Variants in DOCK7 observed in about 807,000 individuals in gnomAD.
The protein encoded by DOCK7 is dedicator of cytokinesis protein 7.
DOCK7 carries 138 observed loss-of-function variants against 271.0 expected under a neutral mutation model. The ratio of observed to expected loss-of-function variants is 0.51; its 90% CI spans 0.44 to 0.59. The LOEUF (loss-of-function observed/expected upper bound fraction) is 0.59, where lower values mean the gene tolerates loss of function less well. Ranked by LOEUF, DOCK7 falls within the 20% of genes least tolerant of loss-of-function variation. DOCK7 has a pLI of 0.00. For missense variants in DOCK7, 2,066 were observed against 2,592.4 expected (o/e 0.80, Z 4.41); for synonymous variants, 823 against 876.1 (o/e 0.94, Z 1.07).
intron 25 of DOCK7, among the ~76,000 whole-genome samples, chr1:62,541,104 ACTT>A (rs1019096182): frequency 4.6e-5 from 7 of 151,734 alleles, no homozygotes; most frequent in African/African-American, 1.7e-4. Context: ...TTTTTTACAT[ACTT>A]CTTTTTTGGA....
intron 1 of DOCK7, among the ~76,000 whole-genome samples, chr1:62,669,951 T>C (rs1659756236): frequency 6.6e-6 from 1 of 152,168 alleles, no homozygotes; most frequent in Non-Finnish European, 1.5e-5. Context: ...GAGTTCCGGG[T>C]GGGCGTGGGC....
At chr1:62,683,942 A>G (rs960169934) in intron 1 of DOCK7, among the ~76,000 whole-genome samples, 1 of 151,614 alleles carries the variant, frequency 6.6e-6, no homozygotes, top group Non-Finnish European at 1.5e-5. Context: ...AAAAAAAAGC[A>G]TAAGATCTGA....
chr1:62,588,368 T>C (rs1255043428), intron 14 of DOCK7, among the ~76,000 whole-genome samples: 2 of 152,184 alleles, frequency 1.3e-5, no homozygotes, highest in Admixed American at 6.5e-5. Context: ...AAGACAGGCA[T>C]GCAAAAGCCC....
At chr1:62,532,188 C>A (rs1032381106) in intron 29 of DOCK7, among the ~76,000 whole-genome samples, 1 of 152,150 alleles carries the variant, frequency 6.6e-6, no homozygotes, top group African/African-American at 2.4e-5. Context: ...GCAAGCACCA[C>A]CATGCCCAAG....
At position 62,552,620 on chromosome 1, in the gene DOCK7, T is replaced by C. The variant is rs567491388; in HGVS notation, c.2766+112A>G. The stretch of plus-strand genomic sequence containing the variant: ...AGAACAGAAATGTACAATTCCTTCC[T>C]AATTCCTAACTTACATACATCTCAA... On this transcript the variant is annotated intron_variant, in intron 22 of 49. Coordinates refer to ENST00000635253, the MANE Select transcript of DOCK7 (RefSeq NM_001367561.1). The C allele has an allele frequency of 1.0e-4, 105 of 1,050,700 alleles. 2 individuals carry two copies. In the South Asian group the frequency reaches 1.2e-3, roughly 12 times the overall value. The allele number at this position is 1,050,700 out of a possible 1,614,324, so 65.1% of individuals were successfully genotyped here.
At chr1:62,498,525 T>C (rs1646686933) in intron 37 of DOCK7, among the ~76,000 whole-genome samples, 1 of 152,152 alleles carries the variant, frequency 6.6e-6, no homozygotes, top group South Asian at 2.1e-4. Flanking sequence ...TACTGCTATG[T>C]TTTACTTAAT....
rs571871172 is a variant in DOCK7 at position 62,563,522 on chromosome 1, AAAAC to A, written c.2113-1823_2113-1820del. ...TTAAACAAATGAAAAAAGACTCACC[AAAAC>A]AAACAAACAAAAAAACAGAAAAATA... On this transcript the variant is annotated intron_variant, in intron 18 of 49. Transcript: ENST00000635253. 3.2e-4 allele frequency among the ~76,000 whole-genome samples: 48 copies of A among 152,288 alleles called. No individual in the cohort carries two copies. The South Asian group carries it at 7.7e-3, about 24-fold the overall frequency.
At chr1:62,512,914 T>TA (rs200987004) in intron 33 of DOCK7, among the ~76,000 whole-genome samples, 5,421 of 141,020 alleles carry the variant, frequency 0.038, 232 homozygotes, top group African/African-American at 0.11. Context: ...CTGTCTCAAC[T>TA]AAAAAAAAAA....
intron 14 of DOCK7, among the ~76,000 whole-genome samples, chr1:62,596,617 T>C (rs1649286511): frequency 6.6e-6 from 1 of 152,098 alleles, no homozygotes; most frequent in South Asian, 2.1e-4. Flanking sequence ...CAGACCAGCA[T>C]GGGCAATACA....
intron 31 of DOCK7, among the ~76,000 whole-genome samples, chr1:62,516,489 T>C (rs1644665502): frequency 6.6e-6 from 1 of 152,184 alleles, no homozygotes; most frequent in Non-Finnish European, 1.5e-5. Context: ...GCCCATTAGT[T>C]CTTAATTTTC....
Position 62,475,726 on chromosome 1 carries a change from T to G in DOCK7, c.5942A>C (p.Asn1981Thr), listed in dbSNP as rs145796299. Reference protein sequence around the residue: ...HAFPYIKTRVNVTHKEEIILT... With the variant: ...HAFPYIKTRVTVTHKEEIILT... ...ACTTACCTCTTCTTTATGAGTGACA[T>G]TGACCCTTGTTTTAATATAAGGAAA... Residue 1981 changes from asparagine (N) to threonine (T), a missense_variant, in exon 46 of 50, where the codon AAT becomes ACT. Around this residue, in one of 2 missense-constraint regions of DOCK7, gnomAD observed 652 missense variants for 922.1 expected, o/e 0.71. Coordinates refer to ENST00000635253, the MANE Select transcript of DOCK7 (RefSeq NM_001367561.1). 2 of 1,613,942 alleles carry G rather than the reference T, an allele frequency of 1.2e-6. No individual in the cohort carries two copies. Among genetic ancestry groups the G allele is most frequent in the South Asian group, 2.2e-5 (2 of 91,078 alleles).
intron 1 of DOCK7, among the ~76,000 whole-genome samples, chr1:62,666,982 C>A (rs1156365082): frequency 6.6e-6 from 1 of 152,360 alleles, no homozygotes; most frequent in African/African-American, 2.4e-5. Context: ...AAGAAAGCAT[C>A]CGCTCAGGCC....
chr1:62,456,689 A>G (rs1052956559), intron 49 of DOCK7, among the ~76,000 whole-genome samples: 2 of 152,116 alleles, frequency 1.3e-5, no homozygotes, highest in African/African-American at 2.4e-5. Flanking sequence ...TTCCATGGAA[A>G]GGAGTTTCCA....
intron 48 of DOCK7, among the ~76,000 whole-genome samples, chr1:62,468,220 G>T (rs1645731916): frequency 6.6e-6 from 1 of 152,012 alleles, no homozygotes; most frequent in Admixed American, 6.6e-5. Context: ...AATTAGCCAG[G>T]CGTGGTGGCA....
chr1:62,618,753 G>C lies in DOCK7; in HGVS notation c.1635C>G (p.Ile545Met). Reference sequence around the variant, plus strand: ...AAACATCCCTTGCGGGAAACTCTAAGATTTCTCTGGTAGGTCTAACTCTAC... The same window carrying C: ...AAACATCCCTTGCGGGAAACTCTAACATTTCTCTGGTAGGTCTAACTCTAC... ...PDSRVRPTRE[I>M]LEFPARDVYV... The change falls in exon 14 of 50, where the codon ATC (isoleucine) becomes ATG (methionine). Residue 545 changes from isoleucine to methionine, a missense_variant. This residue lies in a region of DOCK7 where 1,414 missense variants were observed against 1,670.4 expected (regional missense o/e 0.85). Coordinates refer to ENST00000635253, the MANE Select transcript of DOCK7 (RefSeq NM_001367561.1). The C allele has an allele frequency of 6.2e-7, 1 of 1,613,812 alleles. No individual in the cohort carries two copies.
chr1:62,487,521 G>A (rs564772645), intron 42 of DOCK7, 109 bp from the exon 43 acceptor site: 183 of 921,182 alleles, frequency 2.0e-4, no homozygotes, highest in Non-Finnish European at 2.9e-4. Flanking sequence ...ACAGAAGACA[G>A]CAGGATATTT....
At chr1:62,544,090 C>G (rs1645623394) in intron 23 of DOCK7, among the ~76,000 whole-genome samples, 1 of 151,974 alleles carries the variant, frequency 6.6e-6, no homozygotes, top group Non-Finnish European at 1.5e-5. Context: ...TACTTCTCAA[C>G]TGGTCTCAGA....
chr1:62,580,617 TA>T (rs1647085521), intron 16 of DOCK7, among the ~76,000 whole-genome samples: 1 of 152,184 alleles, frequency 6.6e-6, no homozygotes, highest in African/African-American at 2.4e-5. Flanking sequence ...TAAGTAGGTT[TA>T]ATTGCCCACC....
Position 62,488,957 on chromosome 1 carries a change from C to G in DOCK7, c.5470G>C (p.Ala1824Pro). 6.2e-7 allele frequency: 1 copy of G among 1,613,726 alleles called. No homozygotes were observed. Among genetic ancestry groups the G allele is most frequent in the East Asian group, 2.2e-5 (1 of 44,778 alleles). Residue 1824 changes from alanine to proline, a missense_variant, in exon 42 of 50, where the codon GCA becomes CCA. This residue lies in a region of DOCK7 where 652 missense variants were observed against 922.1 expected (regional missense o/e 0.71). Transcript: ENST00000635253. ...ACCTGATGAACAATTTTGCTGAATG[C>G]TTCTTGAAGTTTACCATGAATTGTG... ...LSTIHGKLQE[A>P]FSKIVHQSTG...
Sources: allele counts gnomAD v4.1 joint callset (sites outside exome capture counted in the v4.1 genomes callset), GRCh38; gene constraint gnomAD v4.1.1; regional missense constraint gnomAD v4.1.1; transcripts MANE v1.5; gene names NCBI Gene and HGNC (gene_info 2026-07-23, HGNC 2026-07-21).